Variants in PGM5 observed in about 807,000 individuals in gnomAD.
PGM5 encodes the protein phosphoglucomutase 5.
Under a neutral mutation model 59.2 loss-of-function variants are expected in PGM5, and 23 were observed. That is an observed-to-expected ratio of 0.39 (90% CI 0.28 to 0.55). The LOEUF is 0.55. PGM5 is among the 20% of genes least tolerant of loss of function. The probability of loss-of-function intolerance (pLI) is 0.66; values close to 1 mark genes in which losing one functional copy is unlikely to be tolerated. For missense variants in PGM5, 574 were observed against 748.3 expected, an observed-to-expected ratio of 0.77 and a Z score of 2.72; for synonymous variants, 214 against 286.0, an observed-to-expected ratio of 0.75 and a Z score of 2.54.
At chr9:68,403,683 C>T (rs1248106245) in intron 6 of PGM5, among the ~76,000 whole-genome samples, 1 of 152,082 alleles carries the variant, frequency 6.6e-6, no homozygotes, top group Non-Finnish European at 1.5e-5. Context: ...TTATCTGGCT[C>T]AAGCCTCATA....
At chr9:68,361,480 A>C (rs1349417383) in intron 1 of PGM5, among the ~76,000 whole-genome samples, 1 of 152,274 alleles carries the variant, frequency 6.6e-6, no homozygotes, top group African/African-American at 2.4e-5. Context: ...AATACCAAAA[A>C]CTGGATGACT....
chr9:68,442,778 G>A (rs1823549084), intron 6 of PGM5, among the ~76,000 whole-genome samples: 2 of 152,316 alleles, frequency 1.3e-5, no homozygotes, highest in South Asian at 2.1e-4. Flanking sequence ...AGGATATATG[G>A]ATGTCAAATA....
chr9:68,397,465 T>C (rs1397396200), intron 6 of PGM5: 5 of 152,184 alleles, frequency 3.3e-5, no homozygotes, highest in African/African-American at 9.7e-5. Context: ...ATGTTTTGAC[T>C]ATGAAAAAGG....
chr9:68,465,011 C>T (rs962232295), intron 6 of PGM5, 82 bp from the exon 7 acceptor site: 42 of 809,068 alleles, frequency 5.2e-5, no homozygotes, highest in Non-Finnish European at 7.8e-5. Flanking sequence ...TTTAGTAGAT[C>T]CTAAAGACTT....
intron 4 of PGM5, among the ~76,000 whole-genome samples, chr9:68,389,151 C>G (rs1554679209): frequency 6.6e-6 from 1 of 151,812 alleles, no homozygotes; most frequent in Non-Finnish European, 1.5e-5. Context: ...TTTAATTTCC[C>G]AAAACTTTTG....
intron 10 of PGM5, among the ~76,000 whole-genome samples, chr9:68,527,035 A>G (rs1824988328): frequency 6.6e-6 from 1 of 152,228 alleles, no homozygotes; most frequent in Non-Finnish European, 1.5e-5. Flanking sequence ...ACGGACATCT[A>G]GTGAGCTACG....
chr9:68,460,345 C>T (rs1823840146), intron 6 of PGM5, among the ~76,000 whole-genome samples: 1 of 152,186 alleles, frequency 6.6e-6, no homozygotes, highest in South Asian at 2.1e-4. Flanking sequence ...TGTCAGCACC[C>T]CTGTGCTTAG....
intron 2 of PGM5, among the ~76,000 whole-genome samples, chr9:68,380,142 T>C (rs559713112): frequency 1.1e-3 from 161 of 151,992 alleles, no homozygotes; most frequent in African/African-American, 3.7e-3. Context: ...CAGCAGAATA[T>C]ACATTCTTCT....
At chr9:68,358,935 T>C (rs1179479020) in intron 1 of PGM5, among the ~76,000 whole-genome samples, 1 of 152,106 alleles carries the variant, frequency 6.6e-6, no homozygotes, top group Non-Finnish European at 1.5e-5. Flanking sequence ...TGAAGAGAGG[T>C]TGACAAATGG....
intron 3 of PGM5, among the ~76,000 whole-genome samples, chr9:68,385,479 A>G (rs2933544): frequency 6.6e-6 from 1 of 152,212 alleles, no homozygotes; most frequent in East Asian, 1.9e-4. Flanking sequence ...TATTTGCCCA[A>G]TGTTACCAAA....
chr9:68,357,367 G>A lies in PGM5; in HGVS notation c.240G>A (p.Val80=). Residue 80 remains valine, a synonymous_variant, in exon 1 of 11, where the codon GTG becomes GTA. Transcript: ENST00000396396. ...GCAGGACGGCCATCGAGATCGTGGTGCAGATGGCCGCGGCCAACGGGGTGA... is the reference window on the plus strand; with the variant it reads ...GCAGGACGGCCATCGAGATCGTGGTACAGATGGCCGCGGCCAACGGGGTGA... ...YFSRTAIEIV[V]QMAAANGIGR... is the part of the protein sequence containing the mutation. The A allele has an allele frequency of 7.1e-6, 11 of 1,560,090 alleles. No homozygotes were observed. The highest frequency in any genetic ancestry group is 9.5e-6 in the Non-Finnish European group (11 of 1,155,370).
At chr9:68,507,521 A>C (rs782793480) in intron 10 of PGM5, among the ~76,000 whole-genome samples, 19 of 152,210 alleles carry the variant, frequency 1.2e-4, no homozygotes, top group Non-Finnish European at 2.1e-4. Flanking sequence ...GCAAGAGTAG[A>C]AAGTATTGAG....
intron 6 of PGM5, among the ~76,000 whole-genome samples, chr9:68,431,461 TA>T (rs1252703387): frequency 3.3e-5 from 5 of 152,160 alleles, no homozygotes; most frequent in African/African-American, 9.7e-5. Flanking sequence ...CAGATAGTAA[TA>T]TTTTTTTGTA....
At chr9:68,480,567 T>G (rs1218852504) in intron 8 of PGM5, among the ~76,000 whole-genome samples, 1 of 152,036 alleles carries the variant, frequency 6.6e-6, no homozygotes, top group African/African-American at 2.4e-5. Context: ...TAGCTGGGTT[T>G]GGTGGTGCAC....
Position 68,484,022 on chromosome 9 carries a change from G to A in PGM5, c.1453G>A (p.Val485Met). The change falls in exon 9 of 11, where the codon GTG (valine) becomes ATG (methionine). Residue 485 changes from valine to methionine, a missense_variant. By Grantham distance (21) the Val-to-Met change is conservative. Coordinates refer to ENST00000396396, the MANE Select transcript of PGM5 (RefSeq NM_021965.4). ...KTDSFEYVDP[V>M]DGTVTKKQGL... ...GGATAGTTTTGAATACGTGGACCCT[G>A]TGGATGGCACTGTGACCAAGAAACA... 6.2e-7 allele frequency: 1 copy of A among 1,613,714 alleles called. No homozygotes were observed. Among genetic ancestry groups the A allele is most frequent in the Non-Finnish European group, 8.5e-7 (1 of 1,179,992 alleles).
At position 68,484,440 on chromosome 9, in the gene PGM5, T is replaced by C. The variant is rs576204079; in HGVS notation, c.1479+392T>C. ...TTGTAGTCCCAGCCACTTAGGAGGCTAAGGTGGGAGGATCGCTTGAGCCCA... is the reference window on the plus strand; with the variant it reads ...TTGTAGTCCCAGCCACTTAGGAGGCCAAGGTGGGAGGATCGCTTGAGCCCA... On this transcript the variant is annotated intron_variant, in intron 9 of 10. Coordinates refer to ENST00000396396, the MANE Select transcript of PGM5 (RefSeq NM_021965.4). Among the ~76,000 whole-genome samples, 4 of 148,436 alleles carry C rather than the reference T, an allele frequency of 2.7e-5. No homozygotes were observed. The East Asian group carries it at 7.9e-4, about 29-fold the overall frequency.
intron 6 of PGM5, among the ~76,000 whole-genome samples, chr9:68,407,058 T>C (rs2132035256): frequency 6.6e-6 from 1 of 152,238 alleles, no homozygotes; most frequent in East Asian, 1.9e-4. Flanking sequence ...TAAATAATTA[T>C]TGTTAATTTT....
intron 6 of PGM5, chr9:68,426,802 G>T (rs936212199): frequency 1.3e-5 from 2 of 152,148 alleles, no homozygotes; most frequent in African/African-American, 4.8e-5. Flanking sequence ...CAGCCAGAAA[G>T]ATTCAGAATC....
intron 1 of PGM5, among the ~76,000 whole-genome samples, chr9:68,366,410 T>C (rs1308866074): frequency 6.6e-6 from 1 of 152,238 alleles, no homozygotes; most frequent in East Asian, 1.9e-4. Context: ...TGATAGCTTG[T>C]TGGTGAAAAA....
Sources: gnomAD v4.1 joint callset for allele counts (sites outside exome capture counted in the v4.1 genomes callset) on GRCh38, gnomAD v4.1.1 for gene constraint, MANE v1.5 for transcripts, NCBI Gene and HGNC (gene_info 2026-07-23, HGNC 2026-07-21) for gene names.